The following FDFT1 variants were observed in gnomAD, a reference collection of about 807,000 sequenced individuals.
The protein encoded by FDFT1 is farnesyl-diphosphate farnesyltransferase 1.
In FDFT1, 68 loss-of-function variants were observed where a neutral mutation model predicts 46.8. The ratio of observed to expected loss-of-function variants is 1.45; its 90% CI spans 1.19 to 1.78. The LOEUF is 1.78. FDFT1 is among the 40% of genes most tolerant of loss of function. The pLI, the probability that FDFT1 is intolerant of heterozygous loss-of-function variation, is 0.00. For missense variants in FDFT1, 928 were observed against 524.4 expected (o/e 1.77, Z -7.52); for synonymous variants, 351 against 185.1 (o/e 1.90, Z -7.28).
chr8:11,802,471 C>T (rs1238638141), upstream of FDFT1: 5 of 472,648 alleles, frequency 1.1e-5, no homozygotes, highest in Admixed American at 7.0e-5. Flanking sequence ...CGGAAGAAAA[C>T]AAAGGCCCGG....
chr8:11,811,460 G>A (rs1024900787), intron 3 of FDFT1, among the ~76,000 whole-genome samples: 34 of 152,104 alleles, frequency 2.2e-4, no homozygotes, highest in African/African-American at 8.2e-4. Flanking sequence ...AGTCAAGGCA[G>A]CCCTATCCCC....
intron 4 of FDFT1, among the ~76,000 whole-genome samples, chr8:11,823,988 C>G (rs1313771546): frequency 6.6e-6 from 1 of 152,086 alleles, no homozygotes; most frequent in Non-Finnish European, 1.5e-5. Context: ...TCAAGCGATT[C>G]ACCTGCCTTA....
At chr8:11,809,107 AG>A in intron 2 of FDFT1, 2 of 1,263,582 alleles carry the variant, frequency 1.6e-6, no homozygotes, top group Non-Finnish European at 2.0e-6. Flanking sequence ...TTCAGAGAAG[AG>A]GGGGGAGGGG....
intron 5 of FDFT1, among the ~76,000 whole-genome samples, chr8:11,827,923 C>T (rs915972029): frequency 1.8e-4 from 27 of 151,860 alleles, no homozygotes; most frequent in Admixed American, 9.2e-4. Context: ...AAAAATTGGC[C>T]GGGCACAGTG....
At chr8:11,827,796 A>G (rs1333056622) in intron 5 of FDFT1, among the ~76,000 whole-genome samples, 1 of 152,052 alleles carries the variant, frequency 6.6e-6, no homozygotes, top group Non-Finnish European at 1.5e-5. Flanking sequence ...TAATCTCAAC[A>G]CTGGGAGACC....
intron 4 of FDFT1, among the ~76,000 whole-genome samples, chr8:11,822,285 C>T (rs149047703): frequency 3.7e-4 from 57 of 152,270 alleles, no homozygotes; most frequent in African/African-American, 1.3e-3. Flanking sequence ...TCAGATTTAG[C>T]AGGCAGAGAC....
chr8:11,816,245 G>C lies in FDFT1; in HGVS notation c.382-5505G>C, dbSNP rs147426205. On this transcript the variant is annotated intron_variant, in intron 3 of 7. Transcript: ENST00000220584. The stretch of plus-strand genomic sequence containing the variant: ...GGTGTACATATCTGTTTTGGTACCA[G>C]TACCATGCTGTTTTGGTTACTGTAG... Among the ~76,000 whole-genome samples the C allele has an allele frequency of 1.5e-3, 223 of 152,314 alleles. 2 individuals are homozygous for C. In the East Asian group the frequency reaches 0.019, roughly 13 times the overall value.
intron 7 of FDFT1, among the ~76,000 whole-genome samples, chr8:11,837,087 C>G (rs1226238446): frequency 6.6e-6 from 1 of 152,340 alleles, no homozygotes; most frequent in East Asian, 1.9e-4. Flanking sequence ...AGGCATAATC[C>G]TGAAGTTGAG....
intron 7 of FDFT1, among the ~76,000 whole-genome samples, chr8:11,833,636 G>A (rs73207299): frequency 0.059 from 8,916 of 152,284 alleles, 401 homozygotes; most frequent in Non-Finnish European, 0.095. Context: ...GTCTACAGTT[G>A]GCTGAGCCCT....
At chr8:11,807,511 C>G (rs1563298867) in intron 1 of FDFT1, among the ~76,000 whole-genome samples, 1 of 152,022 alleles carries the variant, frequency 6.6e-6, no homozygotes, top group African/African-American at 2.4e-5. Flanking sequence ...TGTTGTAAGA[C>G]TGTGGGGTGA....
intron 2 of FDFT1, chr8:11,809,415 C>G (rs936031225): frequency 8.2e-7 from 1 of 1,222,006 alleles, no homozygotes; most frequent in Non-Finnish European, 1.0e-6. Context: ...TGGTTAAATG[C>G]AACTCACTTC....
intron 2 of FDFT1, 166 bp downstream of exon 2, chr8:11,809,057 G>A (rs913122325): frequency 7.5e-7 from 1 of 1,341,568 alleles, no homozygotes; most frequent in Non-Finnish European, 9.9e-7. Flanking sequence ...AGCCCTTCCA[G>A]GCTCTTTGCC....
chr8:11,808,914 C>T (rs767520239), intron 2 of FDFT1, 23 bp downstream of exon 2: 9 of 1,608,710 alleles, frequency 5.6e-6, no homozygotes, highest in African/African-American at 2.7e-5. Context: ...GGCAGCGCCT[C>T]TGGCTTGGAG....
At chr8:11,826,771 T>A (rs576318522) in intron 5 of FDFT1, among the ~76,000 whole-genome samples, 3 of 152,284 alleles carry the variant, frequency 2.0e-5, no homozygotes, top group African/African-American at 7.2e-5. Flanking sequence ...GCTCAGATTG[T>A]GCCACTGCAC....
intron 1 of FDFT1, among the ~76,000 whole-genome samples, chr8:11,807,544 A>ATT (rs1268668745): frequency 6.6e-6 from 1 of 151,878 alleles, no homozygotes; most frequent in African/African-American, 2.4e-5. Context: ...GACAAATAGG[A>ATT]ACCCGCCGTA....
intron 6 of FDFT1, among the ~76,000 whole-genome samples, 169 bp from the exon 7 acceptor site, chr8:11,831,348 TA>T (rs1563339026): frequency 6.6e-6 from 1 of 152,208 alleles, no homozygotes; most frequent in Non-Finnish European, 1.5e-5. Flanking sequence ...GTGGGGAAGG[TA>T]AAAATCTTGA....
intron 4 of FDFT1, among the ~76,000 whole-genome samples, chr8:11,824,006 A>T (rs756723153): frequency 6.6e-6 from 1 of 151,986 alleles, no homozygotes; most frequent in African/African-American, 2.4e-5. Flanking sequence ...TTAGCCTCCC[A>T]GGTGTGAGCC....
upstream of FDFT1, among the ~76,000 whole-genome samples, chr8:11,799,201 T>C (rs1187516973): frequency 2.0e-5 from 3 of 152,212 alleles, no homozygotes; most frequent in East Asian, 1.9e-4. Flanking sequence ...GTGTACAGTT[T>C]CTGTAAACTG....
At chr8:11,831,938 C>G (rs1014478783) in intron 7 of FDFT1, 38 of 343,396 alleles carry the variant, frequency 1.1e-4, no homozygotes, top group Middle Eastern at 8.1e-4. Context: ...AGATTTTGAG[C>G]TGCAAGATGA....
Sources: gnomAD v4.1 joint callset for allele counts (sites outside exome capture counted in the v4.1 genomes callset) on GRCh38, gnomAD v4.1.1 for gene constraint, MANE v1.5 for transcripts, NCBI Gene and HGNC (gene_info 2026-07-23, HGNC 2026-07-21) for gene names.